The following ETFB variants were observed in gnomAD, a reference collection of about 807,000 sequenced individuals.
The protein encoded by ETFB is electron transfer flavoprotein subunit beta, also known as beta-ETF.
In ETFB, 20 loss-of-function variants were observed where a neutral mutation model predicts 25.6. The observed-to-expected ratio is 0.78, with a 90% CI of 0.55 to 1.14. The LOEUF is 1.14. Among genes scored for constraint, ETFB ranks in the 50% most tolerant of loss-of-function variants. The pLI, the probability that ETFB is intolerant of heterozygous loss-of-function variation, is 0.00. For missense variants in ETFB, 286 were observed against 342.6 expected, an observed-to-expected ratio of 0.83 and a Z score of 1.30; for synonymous variants, 142 against 146.7, an observed-to-expected ratio of 0.97 and a Z score of 0.23.
intron 1 of ETFB, chr19:51,354,891 G>T (rs1986038993): frequency 1.3e-5 from 6 of 470,828 alleles, no homozygotes; most frequent in South Asian, 1.1e-4. Flanking sequence ...TTTCAGGCAC[G>T]TACATGGTGG....
At chr19:51,354,452 G>A (rs1425926812) in intron 1 of ETFB, 144 bp from the exon 2 acceptor site, 1 of 1,613,894 alleles carries the variant, frequency 6.2e-7, no homozygotes, top group Non-Finnish European at 8.5e-7. Flanking sequence ...CACAGCTCCA[G>A]GGACAGAACT....
intron 5 of ETFB, chr19:51,346,646 G>T: frequency 2.0e-6 from 1 of 497,912 alleles, no homozygotes; most frequent in Non-Finnish European, 3.6e-6. Flanking sequence ...ACCTTCTGCT[G>T]CCCAGCGAAG....
rs772976948 is a variant in ETFB, at chr19:51,346,926, G to A, written c.571C>T (p.Arg191Cys). Residue 191 changes from arginine (R) to cysteine (C), a missense_variant, in exon 5 of 6, where the codon CGC becomes TGC. By Grantham distance (180) the Arg-to-Cys change is radical (BLOSUM62 -3). Coordinates refer to ENST00000309244, the MANE Select transcript of ETFB (RefSeq NM_001985.3). ...VTADLRLNEP[R>C]YATLPNIMKA... ...ATGATGTTGGGCAGCGTGGCGTAGC[G>A]GGGCTCGTTGAGCCTCAGGTCAGCT... is the stretch of plus-strand genomic sequence containing the variant. 25 of 1,567,428 alleles carry A rather than the reference G, an allele frequency of 1.6e-5. No individual in the cohort carries two copies. Among genetic ancestry groups the A allele is most frequent in the South Asian group, 8.2e-5 (7 of 85,600 alleles).
chr19:51,350,545 T>G (rs1238933551), intron 3 of ETFB, among the ~76,000 whole-genome samples, 154 bp from the exon 4 acceptor site: 3 of 152,076 alleles, frequency 2.0e-5, no homozygotes, highest in Non-Finnish European at 4.4e-5. Flanking sequence ...AGTGCAATGG[T>G]ACAATCTTGG....
intron 4 of ETFB, chr19:51,347,270 C>T: frequency 1.7e-6 from 1 of 584,760 alleles, no homozygotes; most frequent in Non-Finnish European, 3.1e-6. Flanking sequence ...GTCCTGATGT[C>T]CCATGTCCTG....
chr19:51,349,614 T>C (rs779869046), intron 4 of ETFB, among the ~76,000 whole-genome samples: 1 of 152,056 alleles, frequency 6.6e-6, no homozygotes, highest in Non-Finnish European at 1.5e-5. Context: ...CCCAGCTAAC[T>C]TTTCTTTTTT....
At chr19:51,347,314 A>G (rs1435985985) in intron 4 of ETFB, 9 of 527,576 alleles carry the variant, frequency 1.7e-5, no homozygotes, top group Non-Finnish European at 3.1e-5. Context: ...CCTTCCTGAC[A>G]GGGAACATGT....
chr19:51,349,143 C>T (rs1478876008), intron 4 of ETFB, among the ~76,000 whole-genome samples: 2 of 151,962 alleles, frequency 1.3e-5, no homozygotes, highest in African/African-American at 4.8e-5. Context: ...ATTATTTTAC[C>T]CCACTGTAGG....
intron 1 of ETFB, among the ~76,000 whole-genome samples, chr19:51,363,446 AATTATT>A (rs764314102): frequency 2.6e-5 from 4 of 151,762 alleles, no homozygotes; most frequent in South Asian, 2.1e-4. Context: ...AGAATCACTA[AATTATT>A]ATTATTATTA....
chr19:51,346,820 C>A (rs866194148), intron 5 of ETFB, 80 bp downstream of exon 5: 20 of 1,399,606 alleles, frequency 1.4e-5, no homozygotes, highest in Non-Finnish European at 1.8e-5. Context: ...TCCCTCCCCA[C>A]GTGCGACCAC....
Position 51,354,568 on chromosome 19 carries a change from G to T in ETFB, c.58-260C>A, listed in dbSNP as rs769799163. ...CTTGATCATCCCTACTGTTGTCACT[G>T]CTCCTCTCAGGCCTGAAAGAGTGTT... is the stretch of plus-strand genomic sequence containing the variant. On this transcript the variant is annotated intron_variant, in intron 1 of 5. Coordinates refer to ENST00000309244, the MANE Select transcript of ETFB (RefSeq NM_001985.3). 23 of 1,614,180 alleles carry T rather than the reference G, an allele frequency of 1.4e-5. No homozygotes were observed. In the Middle Eastern group the frequency reaches 6.6e-4, roughly 46 times the overall value.
At chr19:51,355,019 T>C (rs1986043482) in intron 1 of ETFB, 2 of 252,294 alleles carry the variant, frequency 7.9e-6, no homozygotes, top group South Asian at 5.2e-5. Flanking sequence ...ACTACATAGA[T>C]AACGGAGAGT....
At chr19:51,354,427 C>G (rs768911920) in intron 1 of ETFB, 119 bp from the exon 2 acceptor site, 7 of 1,613,864 alleles carry the variant, frequency 4.3e-6, no homozygotes, top group Non-Finnish European at 5.1e-6. Flanking sequence ...AGGGGCAGGG[C>G]CTTGTCCGGG....
chr19:51,348,783 T>G (rs1985861483), intron 4 of ETFB, among the ~76,000 whole-genome samples: 1 of 152,218 alleles, frequency 6.6e-6, no homozygotes, highest in Non-Finnish European at 1.5e-5. Flanking sequence ...TTTAAGTTTG[T>G]TTTGAACAAC....
At chr19:51,350,734 G>A (rs1276197671) in intron 3 of ETFB, among the ~76,000 whole-genome samples, 2 of 152,028 alleles carry the variant, frequency 1.3e-5, no homozygotes, top group African/African-American at 2.4e-5. Flanking sequence ...ATCCCCCAAA[G>A]CTCTGGGATT....
At chr19:51,357,486 C>CTTTTTTTTTT (rs199903123) in intron 1 of ETFB, among the ~76,000 whole-genome samples, 1 of 100,784 alleles carries the variant, frequency 9.9e-6, no homozygotes, top group Non-Finnish European at 2.0e-5. Flanking sequence ...TTTTTTCTTT[C>CTTTTTTTTTT]TTTCTTTTTT....
intron 3 of ETFB, 44 bp from the exon 4 acceptor site, chr19:51,350,435 T>C: frequency 1.9e-6 from 2 of 1,029,678 alleles, no homozygotes; most frequent in Non-Finnish European, 3.0e-6. Flanking sequence ...TCAGTGGAGC[T>C]CATGGACCAT....
rs1012095330 is a variant in ETFB, at chr19:51,345,797, T to C, written c.598-416A>G. On this transcript the variant is annotated intron_variant, in intron 5 of 5. Transcript: ENST00000309244. ...GAACCCTCCCTATAGGCTGAGATGA[T>C]GCGCTGAACCCTCCCTATAGGCTGA... The C allele has an allele frequency of 2.5e-5, 8 of 325,292 alleles. No individual in the cohort carries two copies. In the East Asian group the frequency reaches 5.6e-4, roughly 23 times the overall value. The allele number at this position is 325,292 out of a possible 1,614,324, so 20.2% of individuals were successfully genotyped here.
chr19:51,359,372 A>G (rs568146501), intron 1 of ETFB, among the ~76,000 whole-genome samples: 2 of 151,868 alleles, frequency 1.3e-5, no homozygotes, highest in East Asian at 3.9e-4. Context: ...TTCTTAAAAA[A>G]AAAAACACAA....
Sources: allele counts gnomAD v4.1 joint callset (sites outside exome capture counted in the v4.1 genomes callset), GRCh38; gene constraint gnomAD v4.1.1; transcripts MANE v1.5; gene names NCBI Gene and HGNC (gene_info 2026-07-23, HGNC 2026-07-21).